SRPK2: variants seen among roughly 807,000 people sequenced by gnomAD.
SRPK2 encodes SFRS protein kinase 2.
In SRPK2, 21 loss-of-function variants were observed where a neutral mutation model predicts 90.8. The ratio of observed to expected loss-of-function variants is 0.23; its 90% CI spans 0.16 to 0.33. The LOEUF (loss-of-function observed/expected upper bound fraction) is 0.33. Ranked by LOEUF, SRPK2 falls within the 10% of genes least tolerant of loss-of-function variation. The pLI is 1.00. For synonymous variants in SRPK2, 288 were observed against 311.1 expected (o/e 0.93, Z 0.78); for missense variants, 620 against 869.0 (o/e 0.71, Z 3.60).
chr7:105,154,178 C>G (rs1353891757), intron 7 of SRPK2, among the ~76,000 whole-genome samples: 4 of 152,234 alleles, frequency 2.6e-5, no homozygotes, highest in Admixed American at 2.0e-4. Context: ...AGCTGTACTT[C>G]TGAATGTCAT....
intron 3 of SRPK2, among the ~76,000 whole-genome samples, chr7:105,171,962 C>T (rs574450752): frequency 5.9e-5 from 9 of 152,262 alleles, no homozygotes; most frequent in African/African-American, 1.9e-4. Context: ...CTGGCCATCT[C>T]GGCTCACTGC....
At chr7:105,185,713 G>C (rs968734438) in intron 3 of SRPK2, among the ~76,000 whole-genome samples, 1 of 152,102 alleles carries the variant, frequency 6.6e-6, no homozygotes. Flanking sequence ...ACTGATTTTT[G>C]AGCCTCACTC....
chr7:105,389,902 A>G (rs780315285), upstream of SRPK2, among the ~76,000 whole-genome samples: 15 of 152,218 alleles, frequency 9.9e-5, no homozygotes, highest in Non-Finnish European at 1.5e-4. Flanking sequence ...GGTGGCTTAC[A>G]CTAAGGATGA....
intron 2 of SRPK2, among the ~76,000 whole-genome samples, chr7:105,221,709 G>A (rs1419201984): frequency 6.6e-6 from 1 of 151,958 alleles, no homozygotes; most frequent in Admixed American, 6.6e-5. Context: ...TATCTGTGGC[G>A]CCACATCCCT....
chr7:105,127,355 C>T (rs923360816), intron 13 of SRPK2, among the ~76,000 whole-genome samples: 10 of 152,180 alleles, frequency 6.6e-5, no homozygotes, highest in African/African-American at 2.2e-4. Flanking sequence ...GGCCAGAGCG[C>T]GGTATGCACT....
chr7:105,295,059 A>C (rs1809605130), intron 2 of SRPK2, among the ~76,000 whole-genome samples: 1 of 152,000 alleles, frequency 6.6e-6, no homozygotes, highest in African/African-American at 2.4e-5. Context: ...AAAAACAAAA[A>C]AAATCAGCCA....
chr7:105,129,540 A>AATTTTTAC (rs1449517381), intron 13 of SRPK2, among the ~76,000 whole-genome samples: 1 of 59,974 alleles, frequency 1.7e-5, no homozygotes, highest in Admixed American at 1.9e-4. Flanking sequence ...ATGCCCAGCT[A>AATTTTTAC]ATTTTTGTAT....
In SRPK2 at chr7:105,145,272, T is replaced by TAA. The variant is rs1184291059; in HGVS notation, c.813+9_813+10dup. ...CATGGTGCATATAAAGTAATATGCGTAAGTACTTACAGGTTTCTGCTGTGG... is the reference window on the plus strand; with the variant it reads ...CATGGTGCATATAAAGTAATATGCGTAAAAGTACTTACAGGTTTCTGCTGTGG... On this transcript the variant is annotated intron_variant, in intron 9 of 15. Transcript: ENST00000393651. 1.3e-6 allele frequency: 2 copies of TAA among 1,589,006 alleles called. No homozygotes were observed. The highest frequency in any genetic ancestry group is 1.7e-6 in the Non-Finnish European group (2 of 1,167,746).
chr7:105,164,832 G>C (rs1165398041), intron 6 of SRPK2, among the ~76,000 whole-genome samples: 1 of 152,096 alleles, frequency 6.6e-6, no homozygotes, highest in Non-Finnish European at 1.5e-5. Flanking sequence ...ATTTGTGAAA[G>C]TAAAATATCA....
intron 2 of SRPK2, among the ~76,000 whole-genome samples, chr7:105,285,055 T>C (rs567737915): frequency 6.6e-6 from 1 of 152,302 alleles, no homozygotes; most frequent in South Asian, 2.1e-4. Context: ...TTATCAGCTT[T>C]GGCCATGTAC....
chr7:105,199,428 A>C (rs1795283572), intron 3 of SRPK2, among the ~76,000 whole-genome samples: 1 of 152,208 alleles, frequency 6.6e-6, no homozygotes, highest in African/African-American at 2.4e-5. Flanking sequence ...CAGATTACAT[A>C]ACACACACTA....
At chr7:105,312,226 G>T (rs1811783682) in intron 2 of SRPK2, among the ~76,000 whole-genome samples, 1 of 152,184 alleles carries the variant, frequency 6.6e-6, no homozygotes, top group African/African-American at 2.4e-5. Flanking sequence ...GGGATCACAA[G>T]GTCAGGAGTT....
At chr7:105,186,674 A>G (rs767076941) in intron 3 of SRPK2, among the ~76,000 whole-genome samples, 2 of 152,198 alleles carry the variant, frequency 1.3e-5, no homozygotes, top group Non-Finnish European at 2.9e-5. Flanking sequence ...AATGGACTCT[A>G]ATCATGAAAC....
rs1563027056 is a variant in SRPK2, at chr7:105,170,971, A to AAGAAAGAAAG, written c.230-1707_230-1706insCTTTCTTTCT. 9.7e-4 allele frequency among the ~76,000 whole-genome samples: 79 copies of AAGAAAGAAAG among 81,318 alleles called. 9 individuals carry two copies. The highest frequency in any genetic ancestry group is 3.5e-3 in the African/African-American group (69 of 19,690). 53.3% of individuals were successfully genotyped at this position (81,318 alleles called of 152,430 possible). The stretch of plus-strand genomic sequence containing the variant: ...AGAAAGAAAGAAAGAAAGAAAGAGA[A>AAGAAAGAAAG]AGAAAGAGAAAGAAAGAAAGAAAGA... On this transcript the variant is annotated intron_variant, in intron 3 of 15. Transcript: ENST00000393651.
At chr7:105,202,601 G>T (rs201480168) in intron 3 of SRPK2, among the ~76,000 whole-genome samples, 55 of 152,244 alleles carry the variant, frequency 3.6e-4, no homozygotes, top group Middle Eastern at 3.4e-3. Flanking sequence ...CACACAACAC[G>T]CTTGCCCTTT....
At position 105,264,170 on chromosome 7, in the gene SRPK2, T is replaced by C. The variant is rs371002398; in HGVS notation, c.72-60385A>G. On this transcript the variant is annotated intron_variant, in intron 2 of 15. Coordinates refer to ENST00000393651, the MANE Select transcript of SRPK2 (RefSeq NM_182692.3). ...AAAGACATCTTGGTCCAGGATCCTT[T>C]TCCACTGAATGCCCTTTACTTCTTT... 6.6e-5 allele frequency among the ~76,000 whole-genome samples: 10 copies of C among 152,334 alleles called. No homozygotes were observed. In the South Asian group the frequency reaches 2.1e-3, roughly 32 times the overall value.
chr7:105,173,909 G>T (rs1207742803), intron 3 of SRPK2, among the ~76,000 whole-genome samples: 3 of 148,430 alleles, frequency 2.0e-5, no homozygotes, highest in Admixed American at 1.3e-4. Flanking sequence ...TTATCAAATA[G>T]TTGTGTGTTG....
chr7:105,312,712 T>C (rs58319797), intron 2 of SRPK2, among the ~76,000 whole-genome samples: 1 of 152,200 alleles, frequency 6.6e-6, no homozygotes, highest in Non-Finnish European at 1.5e-5. Flanking sequence ...TCAACTATTT[T>C]CAATGTGCTA....
intron 2 of SRPK2, among the ~76,000 whole-genome samples, chr7:105,329,753 G>A (rs746431588): frequency 3.3e-5 from 5 of 152,180 alleles, no homozygotes; most frequent in Admixed American, 1.3e-4. Flanking sequence ...AAGAACACCC[G>A]GCATGGTGGC....
Sources: allele counts gnomAD v4.1 joint callset (sites outside exome capture counted in the v4.1 genomes callset), GRCh38; gene constraint gnomAD v4.1.1; transcripts MANE v1.5; gene names NCBI Gene and HGNC (gene_info 2026-07-23, HGNC 2026-07-21).